FAT3: variants seen among roughly 807,000 people sequenced by gnomAD.
FAT3 encodes the protein FAT atypical cadherin 3.
In FAT3, 95 loss-of-function variants were observed where a neutral mutation model predicts 310.2. The ratio of observed to expected loss-of-function variants is 0.31; its 90% CI spans 0.26 to 0.36. The LOEUF (loss-of-function observed/expected upper bound fraction) is 0.36. Among genes scored for constraint, FAT3 ranks in the 10% least tolerant of loss-of-function variants. The pLI is 1.00. For missense variants in FAT3, 5,408 were observed against 5,715.6 expected, an observed-to-expected ratio of 0.95 and a Z score of 1.74; for synonymous variants, 2,314 against 2,192.9, an observed-to-expected ratio of 1.06 and a Z score of -1.54.
chr11:92,567,585 A>C (rs549552989), intron 3 of FAT3, among the ~76,000 whole-genome samples: 2 of 151,906 alleles, frequency 1.3e-5, no homozygotes, highest in East Asian at 1.9e-4. Context: ...ACACATGCAC[A>C]CGTATGTTTA....
At chr11:92,276,923 G>A (rs997932216) in intron 1 of FAT3, among the ~76,000 whole-genome samples, 3 of 152,016 alleles carry the variant, frequency 2.0e-5, no homozygotes, top group South Asian at 4.1e-4. Flanking sequence ...ACCCATTTAC[G>A]TTCCTTTCTG....
chr11:92,741,531 A>G (rs1276984064), intron 4 of FAT3, among the ~76,000 whole-genome samples: 2 of 152,250 alleles, frequency 1.3e-5, no homozygotes, highest in African/African-American at 2.4e-5. Flanking sequence ...AAATCTATGT[A>G]TAATAAATGT....
intron 3 of FAT3, among the ~76,000 whole-genome samples, chr11:92,531,024 T>C (rs1954050671): frequency 6.6e-6 from 1 of 152,150 alleles, no homozygotes; most frequent in Admixed American, 6.5e-5. Flanking sequence ...CCCCTCCTAA[T>C]AAAAAGCTAA....
intron 2 of FAT3, among the ~76,000 whole-genome samples, chr11:92,443,611 A>G (rs575177848): frequency 5.3e-5 from 8 of 152,304 alleles, no homozygotes; most frequent in Admixed American, 1.3e-4. Flanking sequence ...GAAAGTATGT[A>G]TTTTATTTTT....
At chr11:92,576,447 T>C (rs1938490642) in intron 3 of FAT3, among the ~76,000 whole-genome samples, 1 of 152,174 alleles carries the variant, frequency 6.6e-6, no homozygotes, top group Admixed American at 6.5e-5. Context: ...TGTTTCTGTG[T>C]TACGGATCGT....
rs773068112 is a variant in FAT3, at chr11:92,835,033, C to G, written c.10035C>G (p.Val3345=). Reference sequence around the variant, plus strand: ...ACCCTCCCAAGTTCAGCCAAGACGTCTACAGTGCGGTTATCAGTGAAGACG... The same window carrying G: ...ACCCTCCCAAGTTCAGCCAAGACGTGTACAGTGCGGTTATCAGTGAAGACG... The part of the protein sequence containing the change: ...NDNPPKFSQD[V]YSAVISEDAL... The change falls in exon 15 of 28, where the codon GTC becomes GTG. Residue 3345 remains valine (V), a synonymous_variant. Transcript: ENST00000525166. 2.5e-6 allele frequency: 4 copies of G among 1,613,692 alleles called. No individual in the cohort carries two copies. Among genetic ancestry groups the G allele is most frequent in the African/African-American group, 1.3e-5 (1 of 75,046 alleles).
chr11:92,476,584 G>T (rs997786207), intron 2 of FAT3, among the ~76,000 whole-genome samples: 2 of 152,178 alleles, frequency 1.3e-5, no homozygotes, highest in Non-Finnish European at 2.9e-5. Flanking sequence ...GCCGTACTTG[G>T]GGGTGAATGG....
In FAT3 at chr11:92,831,679, T is replaced by C. The variant is rs1948257547; in HGVS notation, c.9539T>C (p.Ile3180Thr). ...LADSAGGVFS[I>T]DSSSGIIILE... The stretch of plus-strand genomic sequence containing the variant: ...GACTCAGCTGGTGGGGTCTTCTCCA[T>C]TGACAGCTCATCTGGCATCATCATC... The change falls in exon 14 of 28, where the codon ATT (isoleucine) becomes ACT (threonine). Residue 3180 changes from isoleucine to threonine, a missense_variant. Coordinates refer to ENST00000525166, the MANE Select transcript of FAT3 (RefSeq NM_001367949.2). 1.9e-6 allele frequency: 3 copies of C among 1,613,448 alleles called. No homozygotes were observed. The highest frequency in any genetic ancestry group is 2.5e-6 in the Non-Finnish European group (3 of 1,179,794).
intron 2 of FAT3, among the ~76,000 whole-genome samples, chr11:92,422,847 T>C (rs1054564662): frequency 9.9e-5 from 15 of 152,112 alleles, no homozygotes; most frequent in Non-Finnish European, 2.1e-4. Context: ...TCAGTAGATA[T>C]TCGTTGCATG....
At chr11:92,305,496 C>T (rs1232886889) in intron 1 of FAT3, among the ~76,000 whole-genome samples, 1 of 151,974 alleles carries the variant, frequency 6.6e-6, no homozygotes, top group East Asian at 1.9e-4. Flanking sequence ...AAAGTATCTC[C>T]CCACAAGAAA....
At chr11:92,889,344 C>A in intron 26 of FAT3, 96 bp downstream of exon 26, 7 of 504,330 alleles carry the variant, frequency 1.4e-5, no homozygotes, top group Non-Finnish European at 2.2e-5. Flanking sequence ...ACAGAGGGGG[C>A]AATAAACAGC....
chr11:92,552,898 C>T (rs1023091581), intron 3 of FAT3, among the ~76,000 whole-genome samples: 8 of 150,806 alleles, frequency 5.3e-5, no homozygotes, highest in African/African-American at 9.8e-5. Context: ...TGCAGTGAGC[C>T]GAGATCGTGC....
intron 22 of FAT3, among the ~76,000 whole-genome samples, chr11:92,879,772 A>G (rs937471460): frequency 6.6e-6 from 1 of 152,214 alleles, no homozygotes; most frequent in African/African-American, 2.4e-5. Context: ...TAACACTAAA[A>G]TAATCACAAA....
intron 3 of FAT3, among the ~76,000 whole-genome samples, chr11:92,618,081 G>T (rs1255220160): frequency 6.6e-6 from 1 of 152,204 alleles, no homozygotes; most frequent in Non-Finnish European, 1.5e-5. Context: ...GCCCCCAGAG[G>T]TGGAGTCTGC....
chr11:92,357,871 T>A (rs1041857014), intron 2 of FAT3, among the ~76,000 whole-genome samples: 2 of 151,746 alleles, frequency 1.3e-5, no homozygotes, highest in African/African-American at 4.8e-5. Flanking sequence ...ATATATATAT[T>A]AAAAAAACTT....
chr11:92,706,084 G>A (rs1348735973), intron 4 of FAT3, among the ~76,000 whole-genome samples: 1 of 151,668 alleles, frequency 6.6e-6, no homozygotes, highest in Admixed American at 6.6e-5. Flanking sequence ...TGTGATGGTG[G>A]AGATGGTGTT....
chr11:92,306,716 TTA>T (rs1947140684), intron 1 of FAT3, among the ~76,000 whole-genome samples: 2 of 121,004 alleles, frequency 1.7e-5, no homozygotes, highest in Admixed American at 2.2e-4. Context: ...ATATATATAT[TTA>T]TATATTATAT....
intron 1 of FAT3, among the ~76,000 whole-genome samples, chr11:92,234,291 A>G (rs577780737): frequency 6.6e-6 from 1 of 152,242 alleles, no homozygotes; most frequent in Non-Finnish European, 1.5e-5. Context: ...GAGTGTATAC[A>G]TATTGGAAAT....
chr11:92,848,743 T>C (rs1310947566), intron 19 of FAT3, among the ~76,000 whole-genome samples: 2 of 152,258 alleles, frequency 1.3e-5, no homozygotes, highest in Non-Finnish European at 2.9e-5. Flanking sequence ...GGCGAAGCCC[T>C]GCGATGTACA....
Sources: gnomAD v4.1 joint callset for allele counts (sites outside exome capture counted in the v4.1 genomes callset) on GRCh38, gnomAD v4.1.1 for gene constraint, MANE v1.5 for transcripts, NCBI Gene and HGNC (gene_info 2026-07-23, HGNC 2026-07-21) for gene names.